Variants in ASAP1 observed in about 807,000 individuals in gnomAD.
The protein encoded by ASAP1 is ArfGAP with SH3 domain, ankyrin repeat and PH domain 1, also known as arf-GAP with SH3 domain, ANK repeat and PH domain-containing protein 1.
In ASAP1, 43 loss-of-function variants were observed where a neutral mutation model predicts 145.2. That is an observed-to-expected ratio of 0.30 (90% CI 0.23 to 0.38). The LOEUF is 0.38. Among genes scored for constraint, ASAP1 ranks in the 10% least tolerant of loss-of-function variants. ASAP1 has a pLI of 1.00. For synonymous variants in ASAP1, 546 were observed against 515.5 expected, an observed-to-expected ratio of 1.06 and a Z score of -0.80; for missense variants, 1,018 against 1,355.3, an observed-to-expected ratio of 0.75 and a Z score of 3.91.
At chr8:130,058,171 C>G in intron 28 of ASAP1, 95 bp from the exon 29 acceptor site, 1 of 1,362,730 alleles carries the variant, frequency 7.3e-7, no homozygotes, top group East Asian at 2.3e-5. Context: ...TGGCCAGTAA[C>G]TTAACCTCGC....
rs117757229 is a variant in ASAP1, at chr8:130,369,535, T to C, written c.60-11392A>G. Reference sequence around the variant, plus strand: ...CTTTTGCAACCCAACAATAAAGAGATAAATAACTAATTTAAAAGTGGACAA... The same window carrying C: ...CTTTTGCAACCCAACAATAAAGAGACAAATAACTAATTTAAAAGTGGACAA... On this transcript the variant is annotated intron_variant, in intron 2 of 29. Transcript: ENST00000518721. Among the ~76,000 whole-genome samples, 1,074 of 152,258 alleles carry C rather than the reference T, an allele frequency of 7.1e-3. 3 individuals are homozygous for C. Among genetic ancestry groups the C allele is most frequent in the South Asian group, 0.029 (139 of 4,824 alleles).
At chr8:130,061,326 T>C (rs969736508) in intron 27 of ASAP1, among the ~76,000 whole-genome samples, 1 of 152,174 alleles carries the variant, frequency 6.6e-6, no homozygotes, top group Non-Finnish European at 1.5e-5. Flanking sequence ...TTAAAAAAAA[T>C]AAATAGAAAC....
chr8:130,199,239 T>C (rs560877651), intron 5 of ASAP1, among the ~76,000 whole-genome samples: 5 of 152,332 alleles, frequency 3.3e-5, no homozygotes, highest in African/African-American at 7.2e-5. Flanking sequence ...TTGCCCACCA[T>C]TGAGCTACAT....
At chr8:130,126,121 A>G (rs2097574566) in intron 16 of ASAP1, 32 bp from the exon 17 acceptor site, 1 of 1,584,846 alleles carries the variant, frequency 6.3e-7, no homozygotes, top group Non-Finnish European at 8.6e-7. Context: ...CAATGAAACA[A>G]AAAAGACATC....
intron 8 of ASAP1, among the ~76,000 whole-genome samples, 171 bp from the exon 9 acceptor site, chr8:130,179,520 T>C (rs1227046448): frequency 5.3e-5 from 8 of 152,154 alleles, no homozygotes; most frequent in African/African-American, 1.7e-4. Flanking sequence ...TCAAAACAAA[T>C]TGACTAGAGT....
At chr8:130,284,092 A>G (rs958097711) in intron 3 of ASAP1, among the ~76,000 whole-genome samples, 3 of 152,172 alleles carry the variant, frequency 2.0e-5, no homozygotes, top group Admixed American at 1.3e-4. Flanking sequence ...ACTGGCACGG[A>G]GGACAGAGGT....
At chr8:130,226,715 A>G (rs532127593) in intron 4 of ASAP1, among the ~76,000 whole-genome samples, 2 of 152,354 alleles carry the variant, frequency 1.3e-5, no homozygotes, top group South Asian at 4.1e-4. Context: ...AAAGATACTC[A>G]AAGAGTTCCA....
intron 9 of ASAP1, among the ~76,000 whole-genome samples, chr8:130,172,339 C>T (rs1284343648): frequency 6.6e-6 from 1 of 152,056 alleles, no homozygotes; most frequent in Non-Finnish European, 1.5e-5. Context: ...GAGTTTTGCT[C>T]GGGTGACAGG....
chr8:130,230,420 A>C (rs895360212), intron 4 of ASAP1, among the ~76,000 whole-genome samples: 28 of 152,292 alleles, frequency 1.8e-4, no homozygotes, highest in African/African-American at 5.8e-4. Flanking sequence ...ACTGATTTTT[A>C]AACAGCATTC....
At chr8:130,260,160 A>C (rs1819807230) in intron 3 of ASAP1, among the ~76,000 whole-genome samples, 1 of 152,206 alleles carries the variant, frequency 6.6e-6, no homozygotes, top group Non-Finnish European at 1.5e-5. Flanking sequence ...CTGTGACAGT[A>C]TAAGATCTTT....
At chr8:130,255,346 T>C (rs141915064) in intron 3 of ASAP1, among the ~76,000 whole-genome samples, 35 of 152,338 alleles carry the variant, frequency 2.3e-4, no homozygotes, top group African/African-American at 8.4e-4. Flanking sequence ...TTCTTTTTTG[T>C]TGGCTTCCTA....
chr8:130,185,193 G>A (rs190159711), intron 7 of ASAP1, among the ~76,000 whole-genome samples: 14 of 152,246 alleles, frequency 9.2e-5, no homozygotes, highest in African/African-American at 3.1e-4. Context: ...GTCTATCTCA[G>A]GAAAATTGTT....
intron 3 of ASAP1, among the ~76,000 whole-genome samples, chr8:130,276,326 C>T (rs763355966): frequency 8.5e-5 from 13 of 152,192 alleles, no homozygotes; most frequent in Non-Finnish European, 1.8e-4. Context: ...GTGACAAAAG[C>T]TACATTAGTC....
chr8:130,218,872 T>C (rs1307150777), intron 4 of ASAP1, among the ~76,000 whole-genome samples: 2 of 152,046 alleles, frequency 1.3e-5, no homozygotes, highest in African/African-American at 4.8e-5. Flanking sequence ...TATGCATATG[T>C]ATGTATGTAT....
intron 22 of ASAP1, among the ~76,000 whole-genome samples, 173 bp downstream of exon 22, chr8:130,116,505 C>A (rs2097556213): frequency 6.6e-6 from 1 of 152,198 alleles, no homozygotes; most frequent in African/African-American, 2.4e-5. Flanking sequence ...ATGTGGATGA[C>A]AAATTTATCA....
At chr8:130,163,774 T>C (rs1281503846) in intron 11 of ASAP1, among the ~76,000 whole-genome samples, 5 of 152,206 alleles carry the variant, frequency 3.3e-5, no homozygotes, top group South Asian at 2.1e-4. Context: ...GGAAATTATG[T>C]ATTCAGGAAA....
intron 3 of ASAP1, among the ~76,000 whole-genome samples, chr8:130,276,136 A>T (rs1451025416): frequency 6.6e-6 from 1 of 152,042 alleles, no homozygotes; most frequent in Non-Finnish European, 1.5e-5. Context: ...TGCGGGCCTG[A>T]CCTCTAGGTC....
intron 3 of ASAP1, among the ~76,000 whole-genome samples, chr8:130,278,010 G>A (rs534097369): frequency 2.0e-5 from 3 of 151,704 alleles, no homozygotes; most frequent in South Asian, 2.1e-4. Context: ...GGTTCTCAGC[G>A]AGGCTGAAGA....
chr8:130,165,216 A>T (rs1325152549), intron 11 of ASAP1, among the ~76,000 whole-genome samples: 1 of 152,222 alleles, frequency 6.6e-6, no homozygotes, highest in East Asian at 1.9e-4. Flanking sequence ...ATGCAAAACA[A>T]AAAGGGGTTG....
Sources: gnomAD v4.1 joint callset for allele counts (sites outside exome capture counted in the v4.1 genomes callset) on GRCh38, gnomAD v4.1.1 for gene constraint, MANE v1.5 for transcripts, NCBI Gene and HGNC (gene_info 2026-07-23, HGNC 2026-07-21) for gene names.